Variants in SDK1 observed in about 807,000 individuals in gnomAD.
The protein encoded by SDK1 is protein sidekick-1.
A neutral mutation model predicts 245.5 loss-of-function variants in SDK1; 157 were observed. The observed-to-expected ratio is 0.64, with a 90% CI of 0.56 to 0.73. The LOEUF is 0.73. Among genes scored for constraint, SDK1 ranks in the 30% least tolerant of loss-of-function variants. The pLI, the probability that SDK1 is intolerant of heterozygous loss-of-function variation, is 0.00. For synonymous variants in SDK1, 1,647 were observed against 1,278.5 expected (o/e 1.29, Z -6.15); for missense variants, 3,583 against 3,002.3 (o/e 1.19, Z -4.52).
intron 35 of SDK1, among the ~76,000 whole-genome samples, chr7:4,185,716 T>C (rs1688125010): frequency 6.6e-6 from 1 of 152,202 alleles, no homozygotes; most frequent in South Asian, 2.1e-4. Flanking sequence ...GACAGGTCTT[T>C]TTCTCTCTGA....
chr7:3,439,981 A>C (rs1384821043), intron 1 of SDK1, among the ~76,000 whole-genome samples: 2 of 152,232 alleles, frequency 1.3e-5, no homozygotes, highest in African/African-American at 4.8e-5. Context: ...GAAATATAGT[A>C]AATGGGAAAT....
chr7:4,144,480 C>A (rs933341697), intron 28 of SDK1, among the ~76,000 whole-genome samples: 1 of 149,210 alleles, frequency 6.7e-6, no homozygotes, highest in Non-Finnish European at 1.5e-5. Flanking sequence ...GCGGTGATGC[C>A]TGGGGCCTGA....
chr7:3,861,029 C>T (rs1031366029), intron 5 of SDK1, among the ~76,000 whole-genome samples: 4 of 152,112 alleles, frequency 2.6e-5, no homozygotes, highest in Non-Finnish European at 5.9e-5. Context: ...ATATTTTGTG[C>T]CTCAGCCACT....
At chr7:3,339,579 G>A (rs1780291035) in intron 1 of SDK1, among the ~76,000 whole-genome samples, 1 of 151,966 alleles carries the variant, frequency 6.6e-6, no homozygotes, top group South Asian at 2.1e-4. Context: ...TTGTTCTGTG[G>A]CAATAATGGA....
chr7:4,142,648 A>G (rs984178156), intron 28 of SDK1, among the ~76,000 whole-genome samples: 1 of 152,174 alleles, frequency 6.6e-6, no homozygotes, highest in African/African-American at 2.4e-5. Flanking sequence ...TTTTTAGCAG[A>G]GACAGGGTTT....
intron 5 of SDK1, among the ~76,000 whole-genome samples, chr7:3,898,246 A>G (rs527638663): frequency 1.3e-5 from 2 of 152,212 alleles, no homozygotes; most frequent in Admixed American, 6.5e-5. Context: ...TAGGGCCGAC[A>G]GTTGACCTGA....
intron 5 of SDK1, among the ~76,000 whole-genome samples, chr7:3,890,857 G>A (rs908709976): frequency 1.5e-4 from 23 of 152,238 alleles, no homozygotes; most frequent in African/African-American, 5.3e-4. Flanking sequence ...CAGGAGAATC[G>A]CTTGAACCCA....
At chr7:3,594,970 C>T (rs1677459014) in intron 1 of SDK1, among the ~76,000 whole-genome samples, 1 of 151,960 alleles carries the variant, frequency 6.6e-6, no homozygotes, top group Non-Finnish European at 1.5e-5. Context: ...GTAGAGCACT[C>T]ATTTTGTTTG....
intron 25 of SDK1, among the ~76,000 whole-genome samples, chr7:4,122,908 G>A (rs922425220): frequency 2.6e-5 from 4 of 152,174 alleles, no homozygotes; most frequent in African/African-American, 7.2e-5. Context: ...GGATTTAAAT[G>A]CGCTGAAATT....
At chr7:4,048,117 G>A (rs759211554) in intron 17 of SDK1, among the ~76,000 whole-genome samples, 7 of 152,148 alleles carry the variant, frequency 4.6e-5, no homozygotes, top group South Asian at 2.1e-4. Context: ...GAAGGGAGCC[G>A]AGAAGAGTGT....
chr7:4,225,439 C>T (rs976137747), intron 40 of SDK1, among the ~76,000 whole-genome samples: 2 of 152,194 alleles, frequency 1.3e-5, no homozygotes, highest in African/African-American at 4.8e-5. Context: ...CGGTACCAGC[C>T]AGACACGGGT....
chr7:3,997,764 C>A (rs1004874245), intron 14 of SDK1, among the ~76,000 whole-genome samples: 1 of 152,170 alleles, frequency 6.6e-6, no homozygotes, highest in Non-Finnish European at 1.5e-5. Context: ...GGCAGCCCTG[C>A]CCCCAGCCTC....
At chr7:3,824,610 A>G (rs1188028531) in intron 5 of SDK1, among the ~76,000 whole-genome samples, 3 of 152,196 alleles carry the variant, frequency 2.0e-5, no homozygotes, top group Admixed American at 6.5e-5. Flanking sequence ...GTCTCAAAAC[A>G]TCTAAATAAG....
At chr7:3,650,743 A>G (rs1382411294) in intron 4 of SDK1, among the ~76,000 whole-genome samples, 4 of 151,920 alleles carry the variant, frequency 2.6e-5, no homozygotes, top group Admixed American at 1.3e-4. Context: ...ATAATCACTA[A>G]TCTGCTTTTC....
At chr7:3,726,232 C>T (rs1441744552) in intron 4 of SDK1, among the ~76,000 whole-genome samples, 15 of 152,206 alleles carry the variant, frequency 9.9e-5, no homozygotes, top group Non-Finnish European at 2.2e-4. Context: ...TAAAACAGGG[C>T]AGCCAGTGGA....
At chr7:3,483,728 T>G (rs2128602915) in intron 1 of SDK1, among the ~76,000 whole-genome samples, 1 of 152,310 alleles carries the variant, frequency 6.6e-6, no homozygotes, top group South Asian at 2.1e-4. Flanking sequence ...TTGTTAGGAA[T>G]GGGTGTTCAG....
intron 5 of SDK1, among the ~76,000 whole-genome samples, chr7:3,872,400 T>G (rs1037550256): frequency 2.6e-5 from 4 of 152,098 alleles, no homozygotes; most frequent in Non-Finnish European, 5.9e-5. Flanking sequence ...TGACACTGAG[T>G]CTGGAGTTTT....
At chr7:3,532,404 T>C (rs1783378278) in intron 1 of SDK1, among the ~76,000 whole-genome samples, 1 of 152,186 alleles carries the variant, frequency 6.6e-6, no homozygotes. Flanking sequence ...GGCGCTTTGC[T>C]CTGGAAGGCT....
rs192413201 is a variant in SDK1, at chr7:4,219,911, A to G, written c.5540-198A>G. Among the ~76,000 whole-genome samples, 402 of 150,488 alleles carry G rather than the reference A, an allele frequency of 2.7e-3. 1 individual carries two copies. The highest frequency in any genetic ancestry group is 9.0e-3 in the African/African-American group (369 of 41,024). On this transcript the variant is annotated intron_variant, in intron 38 of 44. Coordinates refer to ENST00000404826, the MANE Select transcript of SDK1 (RefSeq NM_152744.4). ...TCAGTTGTTTTCTTTGTCAGCACCC[A>G]CTTACCAAGCTTAAGCTCTAATTAC... is the stretch of plus-strand genomic sequence containing the variant.
Sources: gnomAD v4.1 joint callset for allele counts (sites outside exome capture counted in the v4.1 genomes callset) on GRCh38, gnomAD v4.1.1 for gene constraint, MANE v1.5 for transcripts, NCBI Gene and HGNC (gene_info 2026-07-23, HGNC 2026-07-21) for gene names.